Variants in RBFOX1 observed in about 807,000 individuals in gnomAD.
RBFOX1 encodes RNA binding protein fox-1 homolog 1.
A neutral mutation model predicts 57.7 loss-of-function variants in RBFOX1; 8 were observed. That is an observed-to-expected ratio of 0.14 (90% CI 0.08 to 0.25). The LOEUF (loss-of-function observed/expected upper bound fraction) is 0.25. Ranked by LOEUF, RBFOX1 falls within the 10% of genes least tolerant of loss-of-function variation. RBFOX1 has a pLI of 1.00. For missense variants in RBFOX1, 611 were observed against 548.5 expected (o/e 1.11, Z -1.14); for synonymous variants, 326 against 222.4 (o/e 1.47, Z -4.15).
intron 3 of RBFOX1, among the ~76,000 whole-genome samples, chr16:6,945,316 G>A (rs1292015883): frequency 6.6e-6 from 1 of 152,112 alleles, no homozygotes; most frequent in Non-Finnish European, 1.5e-5. Context: ...GGTCTCAAAC[G>A]CAGATGCTTA....
chr16:7,419,683 C>G lies in RBFOX1; in HGVS notation c.28-98464C>G, dbSNP rs555920019. Among the ~76,000 whole-genome samples the G allele has an allele frequency of 2.7e-4, 41 of 152,296 alleles. 1 individual carries two copies. In the South Asian group the frequency reaches 8.5e-3, roughly 32 times the overall value. ...TATCTTTCTTCAAAATTGACTTGCTCTCCCGACCCTCCAGTAGTTCCTGTT... is the reference window on the plus strand; with the variant it reads ...TATCTTTCTTCAAAATTGACTTGCTGTCCCGACCCTCCAGTAGTTCCTGTT... On this transcript the variant is annotated intron_variant, in intron 4 of 15. Coordinates refer to ENST00000550418, the MANE Select transcript of RBFOX1 (RefSeq NM_018723.4).
intron 1 of RBFOX1, among the ~76,000 whole-genome samples, chr16:6,104,605 C>G (rs1025935403): frequency 3.3e-5 from 5 of 152,316 alleles, no homozygotes; most frequent in Non-Finnish European, 5.9e-5. Context: ...AACCACTAAT[C>G]TATCGTGTTC....
intron 2 of RBFOX1, among the ~76,000 whole-genome samples, chr16:5,491,149 A>G (rs2042814626): frequency 6.6e-6 from 1 of 152,148 alleles, no homozygotes; most frequent in Admixed American, 6.5e-5. Context: ...ACATCGTTAC[A>G]TGGTGTGTGA....
chr16:7,605,746 T>C (rs892478808), intron 9 of RBFOX1, among the ~76,000 whole-genome samples: 5 of 152,174 alleles, frequency 3.3e-5, no homozygotes, highest in Non-Finnish European at 7.4e-5. Context: ...TTGCCTTCTC[T>C]CAAAAACATT....
At chr16:7,110,389 G>C (rs540699257) in intron 4 of RBFOX1, among the ~76,000 whole-genome samples, 1 of 119,050 alleles carries the variant, frequency 8.4e-6, no homozygotes, top group Non-Finnish European at 1.9e-5. Context: ...CCACTTTACA[G>C]TTGACTACAT....
In RBFOX1 at chr16:6,434,446, C is replaced by T. The variant is rs905829187; in HGVS notation, c.-64+117389C>T. On this transcript the variant is annotated intron_variant, in intron 2 of 15. Coordinates refer to ENST00000550418, the MANE Select transcript of RBFOX1 (RefSeq NM_018723.4). ...TAGGCCCATCCCACAGTTTTTCCCC[C>T]GTGCCTGACTCTCCCTTAGTCTTGA... Among the ~76,000 whole-genome samples the T allele has an allele frequency of 5.3e-5, 8 of 152,274 alleles. No homozygotes were observed. In the South Asian group the frequency reaches 8.3e-4, roughly 16 times the overall value.
chr16:5,743,210 G>C (rs2052842452), intron 3 of RBFOX1, among the ~76,000 whole-genome samples: 1 of 152,166 alleles, frequency 6.6e-6, no homozygotes, highest in Non-Finnish European at 1.5e-5. Flanking sequence ...CTGTGAATCT[G>C]AACAAATAGA....
chr16:7,548,452 G>C (rs1301801441), intron 5 of RBFOX1, among the ~76,000 whole-genome samples: 2 of 152,210 alleles, frequency 1.3e-5, no homozygotes, highest in Admixed American at 1.3e-4. Flanking sequence ...CACTGCGCCT[G>C]GCCTCGTATT....
At chr16:6,619,971 G>T (rs938087815) in intron 2 of RBFOX1, among the ~76,000 whole-genome samples, 2 of 152,100 alleles carry the variant, frequency 1.3e-5, no homozygotes, top group Non-Finnish European at 2.9e-5. Flanking sequence ...TTGATTTTCT[G>T]TTCCTGCGTT....
chr16:6,428,969 C>T (rs1483409471), intron 2 of RBFOX1, among the ~76,000 whole-genome samples: 2 of 152,148 alleles, frequency 1.3e-5, no homozygotes, highest in African/African-American at 2.4e-5. Context: ...GGTTTATGGA[C>T]CTGCGGCGTG....
intron 4 of RBFOX1, among the ~76,000 whole-genome samples, chr16:5,875,761 C>T (rs1004017849): frequency 6.6e-6 from 1 of 152,072 alleles, no homozygotes; most frequent in Non-Finnish European, 1.5e-5. Context: ...GAAAAGTGAA[C>T]CGTTGTAAAA....
At chr16:7,337,030 C>G (rs1370655386) in intron 4 of RBFOX1, among the ~76,000 whole-genome samples, 2 of 152,102 alleles carry the variant, frequency 1.3e-5, no homozygotes, top group African/African-American at 4.8e-5. Flanking sequence ...TGAAAAAGCC[C>G]CCAAAATCTG....
intron 4 of RBFOX1, among the ~76,000 whole-genome samples, chr16:7,086,721 T>TACACACACACACACACACACACAC (rs71280731): frequency 5.9e-4 from 88 of 149,580 alleles, no homozygotes; most frequent in Middle Eastern, 6.8e-3. Flanking sequence ...GAAGAATGTA[T>TACACACACACACACACACACACAC]ACACACACAC....
rs1391571180 is a variant in RBFOX1, at chr16:6,193,439, A to T, written c.-126-123556A>T. On this transcript the variant is annotated intron_variant, in intron 1 of 15. Coordinates refer to ENST00000550418, the MANE Select transcript of RBFOX1 (RefSeq NM_018723.4). ...ATATATATATATAAAATTCAGTGAG[A>T]AGGTTAGTAGGAAATGAACTCTAGG... 2.4e-5 allele frequency among the ~76,000 whole-genome samples: 3 copies of T among 122,618 alleles called. 1 individual carries two copies. Among genetic ancestry groups the T allele is most frequent in the Non-Finnish European group, 5.2e-5 (3 of 58,004 alleles). 80.4% of individuals were successfully genotyped at this position (122,618 alleles called of 152,430 possible).
At chr16:6,965,303 C>T (rs191435814) in intron 3 of RBFOX1, among the ~76,000 whole-genome samples, 167 of 148,990 alleles carry the variant, frequency 1.1e-3, no homozygotes, top group African/African-American at 4.1e-3. Flanking sequence ...ATCCAATTTC[C>T]TTTTTCTTTT....
At chr16:6,048,868 A>T (rs1196537359) in intron 1 of RBFOX1, among the ~76,000 whole-genome samples, 3 of 152,100 alleles carry the variant, frequency 2.0e-5, no homozygotes, top group African/African-American at 4.8e-5. Flanking sequence ...AGGGCATGGA[A>T]TATAAATGGT....
At chr16:7,109,400 A>C (rs1599742065) in intron 4 of RBFOX1, among the ~76,000 whole-genome samples, 1 of 152,254 alleles carries the variant, frequency 6.6e-6, no homozygotes, top group East Asian at 1.9e-4. Context: ...TTGAGTTACC[A>C]ACTGCCTCTC....
chr16:6,616,530 G>A (rs975389376), intron 2 of RBFOX1, among the ~76,000 whole-genome samples: 3 of 152,122 alleles, frequency 2.0e-5, no homozygotes, highest in African/African-American at 7.2e-5. Context: ...CAAAAAATTA[G>A]CCAGGCATGG....
intron 4 of RBFOX1, among the ~76,000 whole-genome samples, chr16:7,256,931 T>A (rs1282081836): frequency 6.6e-6 from 1 of 152,132 alleles, no homozygotes; most frequent in African/African-American, 2.4e-5. Flanking sequence ...CCTGACCACA[T>A]GGGAAACAGC....
Sources: allele counts gnomAD v4.1 joint callset (sites outside exome capture counted in the v4.1 genomes callset), GRCh38; gene constraint gnomAD v4.1.1; transcripts MANE v1.5; gene names NCBI Gene and HGNC (gene_info 2026-07-23, HGNC 2026-07-21).